Variants in NLRP5 observed in about 807,000 individuals in gnomAD.
The protein encoded by NLRP5 is NACHT, LRR and PYD domains-containing protein 5.
NLRP5 carries 93 observed loss-of-function variants against 113.1 expected under a neutral mutation model. The observed-to-expected ratio is 0.82, with a 90% CI of 0.70 to 0.98. The LOEUF is 0.98. NLRP5 is among the 50% of genes least tolerant of loss of function. The pLI, the probability that NLRP5 is intolerant of heterozygous loss-of-function variation, is 0.00. For missense variants in NLRP5, 1,808 were observed against 1,514.3 expected (o/e 1.19, Z -3.22); for synonymous variants, 751 against 600.7 (o/e 1.25, Z -3.66).
chr19:56,001,882 A>G (rs13344734), intron 1 of NLRP5, among the ~76,000 whole-genome samples: 3,640 of 152,262 alleles, frequency 0.024, 77 homozygotes, highest in East Asian at 0.065. Context: ...TTGCTTTGTC[A>G]TCTACCACAA....
chr19:56,005,389 A>T (rs559584889), intron 2 of NLRP5, among the ~76,000 whole-genome samples: 174 of 147,504 alleles, frequency 1.2e-3, no homozygotes, highest in Non-Finnish European at 8.9e-4. Flanking sequence ...TTATATATAC[A>T]TATACACACA....
intron 13 of NLRP5, among the ~76,000 whole-genome samples, chr19:56,055,581 T>G: frequency 7.4e-6 from 1 of 135,996 alleles, no homozygotes; most frequent in East Asian, 2.4e-4. Flanking sequence ...AGTCTTGCTC[T>G]GTCCCCCAGG....
intron 9 of NLRP5, among the ~76,000 whole-genome samples, chr19:56,034,077 A>T (rs957638689): frequency 3.3e-5 from 5 of 152,152 alleles, no homozygotes; most frequent in African/African-American, 9.6e-5. Context: ...GCGAGATTTT[A>T]ATTGTATAGA....
chr19:56,047,289 G>T (rs1983764126), intron 11 of NLRP5, among the ~76,000 whole-genome samples: 1 of 152,016 alleles, frequency 6.6e-6, no homozygotes, highest in Non-Finnish European at 1.5e-5. Context: ...TTTGGGGTTG[G>T]TTTGCTCTTG....
At chr19:56,040,608 A>C (rs1474169204) in intron 10 of NLRP5, among the ~76,000 whole-genome samples, 1 of 152,152 alleles carries the variant, frequency 6.6e-6, no homozygotes, top group Admixed American at 6.5e-5. Flanking sequence ...AATTGGAAAA[A>C]TTACTCATTC....
chr19:56,007,802 C>T (rs1981981953), intron 2 of NLRP5, among the ~76,000 whole-genome samples: 1 of 150,686 alleles, frequency 6.6e-6, no homozygotes, highest in African/African-American at 2.5e-5. Context: ...ATAAAGGTGG[C>T]TTGGAATAGG....
At chr19:56,002,791 G>T (rs1981707566) in intron 1 of NLRP5, among the ~76,000 whole-genome samples, 1 of 151,760 alleles carries the variant, frequency 6.6e-6, no homozygotes, top group East Asian at 1.9e-4. Context: ...CAAAGGACAT[G>T]AACTCATCCT....
intron 11 of NLRP5, among the ~76,000 whole-genome samples, chr19:56,046,563 C>T (rs113431659): frequency 1.3e-5 from 2 of 151,538 alleles, no homozygotes; most frequent in East Asian, 1.9e-4. Flanking sequence ...TTTTCTGACA[C>T]GGAGTCTCAC....
At chr19:56,036,058 CTTTTTTTTT>C (rs34956178) in intron 9 of NLRP5, among the ~76,000 whole-genome samples, 2 of 77,018 alleles carry the variant, frequency 2.6e-5, no homozygotes, top group African/African-American at 5.7e-5. Flanking sequence ...AATTGAGATT[CTTTTTTTTT>C]TTTTTTTTTT....
chr19:56,033,425 A>C (rs1397104523), intron 8 of NLRP5, 117 bp from the exon 9 acceptor site: 1 of 794,698 alleles, frequency 1.3e-6, no homozygotes, highest in Admixed American at 2.3e-5. Context: ...GTTGTTTTAA[A>C]AGGAAATACA....
chr19:56,002,432 G>A (rs1483359612), intron 1 of NLRP5, among the ~76,000 whole-genome samples: 1 of 151,686 alleles, frequency 6.6e-6, no homozygotes, highest in Non-Finnish European at 1.5e-5. Flanking sequence ...ATTAGTAACT[G>A]GTAGGAATCT....
chr19:55,992,301 T>C, the NLRP5 span, among the ~76,000 whole-genome samples: 1 of 152,218 alleles, frequency 6.6e-6, no homozygotes, highest in Non-Finnish European at 1.5e-5. Flanking sequence ...CCATGTCTTT[T>C]CTATTGTAAA....
At chr19:56,026,254 C>T (rs1201390566) in intron 6 of NLRP5, among the ~76,000 whole-genome samples, 8 of 151,880 alleles carry the variant, frequency 5.3e-5, no homozygotes, top group African/African-American at 7.3e-5. Flanking sequence ...TTCAGCTGGG[C>T]GCAGTGGTTC....
chr19:56,038,153 G>T lies in NLRP5; in HGVS notation c.2744G>T (p.Ser915Ile), dbSNP rs1399638806. 1 of 1,613,932 alleles carries T rather than the reference G, an allele frequency of 6.2e-7. No homozygotes were observed. Among genetic ancestry groups the T allele is most frequent in the East Asian group, 2.2e-5 (1 of 44,864 alleles). Residue 915 changes from serine to isoleucine, a missense_variant, in exon 10 of 15, where the codon AGT (serine) becomes ATT (isoleucine). Physicochemically the swap from Ser to Ile is moderately radical, Grantham distance 142 (BLOSUM62 -2). Coordinates refer to ENST00000390649, the MANE Select transcript of NLRP5 (RefSeq NM_153447.4). ...ACAGACCAGGGAGTAATGCCTCTCA[G>T]TGATGCCTTGAGAGTCTCCCAGTGC...
chr19:56,000,421 G>A (rs1319726685), intron 1 of NLRP5, among the ~76,000 whole-genome samples: 1 of 152,010 alleles, frequency 6.6e-6, no homozygotes, highest in Non-Finnish European at 1.5e-5. Context: ...CTGGAGTGCA[G>A]TGGCACGATC....
chr19:55,999,659 C>A, upstream of NLRP5: 1 of 1,235,188 alleles, frequency 8.1e-7, no homozygotes, highest in Non-Finnish European at 1.2e-6. Flanking sequence ...GGCAGGTACT[C>A]TGATTTCCAG....
intron 6 of NLRP5, among the ~76,000 whole-genome samples, chr19:56,023,593 A>G (rs984572545): frequency 2.0e-5 from 3 of 152,138 alleles, no homozygotes; most frequent in East Asian, 1.9e-4. Flanking sequence ...TAGCCTAGAG[A>G]TGACTTAACC....
chr19:56,008,673 C>T (rs1982048118), intron 2 of NLRP5, 115 bp from the exon 3 acceptor site: 2 of 868,298 alleles, frequency 2.3e-6, no homozygotes, highest in South Asian at 1.5e-5. Context: ...AAACTGAGAT[C>T]CTGAGGTTTG....
chr19:56,043,378 C>T (rs888322377), intron 11 of NLRP5, among the ~76,000 whole-genome samples: 5 of 151,738 alleles, frequency 3.3e-5, no homozygotes, highest in South Asian at 2.1e-4. Context: ...CTTTTTCATA[C>T]GTTTGTTGGC....
Sources: gnomAD v4.1 joint callset for allele counts (sites outside exome capture counted in the v4.1 genomes callset) on GRCh38, gnomAD v4.1.1 for gene constraint, MANE v1.5 for transcripts, NCBI Gene and HGNC (gene_info 2026-07-23, HGNC 2026-07-21) for gene names.